The following MROH2B variants were observed in gnomAD, a reference collection of about 807,000 sequenced individuals.
MROH2B encodes the protein maestro heat like repeat family member 2B.
A neutral mutation model predicts 208.6 loss-of-function variants in MROH2B; 177 were observed. That is an observed-to-expected ratio of 0.85 (90% CI 0.75 to 0.96). The LOEUF is 0.96. Among genes scored for constraint, MROH2B ranks in the 40% least tolerant of loss-of-function variants. The pLI, the probability that MROH2B is intolerant of heterozygous loss-of-function variation, is 0.00. For missense variants in MROH2B, 2,002 were observed against 1,878.7 expected, an observed-to-expected ratio of 1.07 and a Z score of -1.21; for synonymous variants, 728 against 659.0, an observed-to-expected ratio of 1.10 and a Z score of -1.60.
chr5:41,004,136 G>A (rs1741490329), intron 37 of MROH2B, among the ~76,000 whole-genome samples: 1 of 152,150 alleles, frequency 6.6e-6, no homozygotes, highest in Non-Finnish European at 1.5e-5. Context: ...AACTAGCTTA[G>A]ATCAATCATG....
intron 24 of MROH2B, among the ~76,000 whole-genome samples, chr5:41,019,779 C>T (rs556933836): frequency 6.6e-6 from 1 of 152,146 alleles, no homozygotes; most frequent in Non-Finnish European, 1.5e-5. Flanking sequence ...GCTGGGAAAG[C>T]TCTATGTAGT....
rs1031969256 is a variant in MROH2B, at chr5:41,067,293, A to G, written c.91-75T>C. 3.7e-5 allele frequency: 28 copies of G among 759,542 alleles called. No homozygotes were observed. The African/African-American group carries it at 4.5e-4, about 12-fold the overall frequency. The allele number at this position is 759,542 out of a possible 1,614,324, so 47.1% of individuals were successfully genotyped here. The stretch of plus-strand genomic sequence containing the variant: ...GAATCAAATGAAATCCTAATGAATA[A>G]CACCATTAAAGTAAGCAATATATCT... On this transcript the variant is annotated intron_variant, in intron 2 of 41. Transcript: ENST00000399564.
intron 11 of MROH2B, among the ~76,000 whole-genome samples, chr5:41,053,598 C>T (rs908135355): frequency 2.6e-5 from 4 of 152,084 alleles, no homozygotes; most frequent in African/African-American, 9.7e-5. Context: ...TATATGGTGG[C>T]CAAAACAATT....
chr5:41,047,690 T>C lies in MROH2B; in HGVS notation c.1728+31A>G, dbSNP rs191098775. ...ACTTCAGCTGATTTCATCATGCCAT[T>C]ATTAAAAATTATTCTAGAAGCCAGC... On this transcript the variant is annotated intron_variant, in intron 17 of 41. Transcript: ENST00000399564. 478 of 1,571,490 alleles carry C rather than the reference T, an allele frequency of 3.0e-4. 2 individuals carry two copies. The African/African-American group carries it at 5.8e-3, about 19-fold the overall frequency.
rs1181329774 is a variant in MROH2B, at chr5:41,067,428, A to G, written c.91-210T>C. On this transcript the variant is annotated intron_variant, in intron 2 of 41. Transcript: ENST00000399564. Reference sequence around the variant, plus strand: ...TTTGGCCAGGCTGGAGTGCAATGGCATGATCTCAGCTCACTGCAACCTCTG... The same window carrying G: ...TTTGGCCAGGCTGGAGTGCAATGGCGTGATCTCAGCTCACTGCAACCTCTG... Among the ~76,000 whole-genome samples the G allele has an allele frequency of 2.6e-5, 4 of 151,872 alleles. No individual in the cohort carries two copies. In the South Asian group the frequency reaches 8.3e-4, roughly 32 times the overall value.
intron 7 of MROH2B, among the ~76,000 whole-genome samples, chr5:41,057,563 C>CTTTTTTTTTTTTTTT (rs776904759): frequency 0.14 from 10,289 of 72,890 alleles, 2,817 homozygotes; most frequent in East Asian, 0.38. Context: ...AATATCCCTC[C>CTTTTTTTTTTTTTTT]TTTTTTTTTT....
At chr5:41,004,958 G>T (rs1011118024) in intron 35 of MROH2B, 38 bp from the exon 36 acceptor site, 1 of 1,603,216 alleles carries the variant, frequency 6.2e-7, no homozygotes, top group Non-Finnish European at 8.5e-7. Context: ...TTAGTTAAGG[G>T]CGTGGCCCCT....
Position 41,051,008 on chromosome 5 carries a change from G to T in MROH2B, c.1313C>A (p.Thr438Asn). 1 of 1,569,502 alleles carries T rather than the reference G, an allele frequency of 6.4e-7. No homozygotes were observed. The highest frequency in any genetic ancestry group is 8.6e-7 in the Non-Finnish European group (1 of 1,162,888). ...VRETSLEVLK[T>N]LDPLVIGMPQ... is the part of the protein sequence containing the mutation. Reference sequence around the variant, plus strand: ...CATTCCAATGACCAGTGGGTCCAGGGTTTTTAAGACCTCAAGGCTTGTTTC... The same window carrying T: ...CATTCCAATGACCAGTGGGTCCAGGTTTTTTAAGACCTCAAGGCTTGTTTC... Residue 438 changes from threonine to asparagine, a missense_variant, in exon 13 of 42, where the codon ACC becomes AAC. Thr to Asn is a moderately conservative substitution (Grantham distance 65). Coordinates refer to ENST00000399564, the MANE Select transcript of MROH2B (RefSeq NM_173489.5).
chr5:41,019,343 T>TGTGAGA (rs1554047879), intron 24 of MROH2B, among the ~76,000 whole-genome samples: 3 of 144,104 alleles, frequency 2.1e-5, no homozygotes, highest in Non-Finnish European at 3.1e-5. Context: ...TGTGTGTGTG[T>TGTGAGA]GAGAGAGAGT....
intron 37 of MROH2B, 90 bp downstream of exon 37, chr5:41,004,256 G>T (rs377073551): frequency 3.5e-6 from 5 of 1,445,114 alleles, no homozygotes; most frequent in African/African-American, 1.4e-5. Flanking sequence ...ATATGGGTGG[G>T]ACACTGACAA....
chr5:41,005,578 A>C lies in MROH2B; in HGVS notation c.3817T>G (p.Ser1273Ala). The C allele has an allele frequency of 6.2e-7, 1 of 1,611,232 alleles. No individual in the cohort carries two copies. ...GTTATCCGGTAGTTCTCCGAGGAGGAGGTAAGAGATGAGAGCAGCTGTTCC... is the reference window on the plus strand; with the variant it reads ...GTTATCCGGTAGTTCTCCGAGGAGGCGGTAAGAGATGAGAGCAGCTGTTCC... ...IMEQLLSSLTSSSENYRITGA... is the reference protein window; with the variant it reads ...IMEQLLSSLTASSENYRITGA... The change falls in exon 35 of 42, where the codon TCC becomes GCC. Residue 1273 changes from serine (S) to alanine (A), a missense_variant. By Grantham distance (99) the Ser-to-Ala change is moderately conservative. Coordinates refer to ENST00000399564, the MANE Select transcript of MROH2B (RefSeq NM_173489.5).
chr5:41,051,157 G>T, intron 12 of MROH2B, 67 bp from the exon 13 acceptor site: 2 of 1,036,840 alleles, frequency 1.9e-6, no homozygotes, highest in Non-Finnish European at 1.3e-6. Context: ...GACTTTCCTT[G>T]GGTGTGTTCT....
intron 1 of MROH2B, among the ~76,000 whole-genome samples, chr5:41,070,443 C>T (rs1743952228): frequency 6.6e-6 from 1 of 152,108 alleles, no homozygotes; most frequent in Non-Finnish European, 1.5e-5. Context: ...ACCTCCACAC[C>T]AAACAACATA....
At chr5:41,036,468 A>T (rs1742763945) in intron 21 of MROH2B, among the ~76,000 whole-genome samples, 1 of 152,156 alleles carries the variant, frequency 6.6e-6, no homozygotes, top group Non-Finnish European at 1.5e-5. Context: ...AGTCTCAGGT[A>T]TGTCTTTATC....
intron 37 of MROH2B, among the ~76,000 whole-genome samples, chr5:41,002,096 T>A (rs995319814): frequency 2.6e-5 from 4 of 152,264 alleles, no homozygotes; most frequent in African/African-American, 9.6e-5. Context: ...ATACATTTTT[T>A]AAAAGATACC....
chr5:41,041,793 C>G (rs1422019703), intron 19 of MROH2B, among the ~76,000 whole-genome samples: 1 of 152,146 alleles, frequency 6.6e-6, no homozygotes, highest in Admixed American at 6.5e-5. Context: ...GTAATTTCAG[C>G]TTGTAAATTC....
Position 41,068,380 on chromosome 5 carries a change from T to G in MROH2B, c.91-1162A>C, listed in dbSNP as rs189749234. On this transcript the variant is annotated intron_variant, in intron 2 of 41. Coordinates refer to ENST00000399564, the MANE Select transcript of MROH2B (RefSeq NM_173489.5). ...TTGGCAAGGCTACCATTTATGGAGC[T>G]CTCACCACATTCCTGGAACTGTGCC... Among the ~76,000 whole-genome samples, 110 of 152,306 alleles carry G rather than the reference T, an allele frequency of 7.2e-4. 1 individual carries two copies. Among genetic ancestry groups the G allele is most frequent in the Admixed American group, 1.2e-3 (19 of 15,292 alleles).
intron 35 of MROH2B, chr5:41,005,240 A>T: frequency 1.9e-6 from 1 of 520,986 alleles, no homozygotes; most frequent in Non-Finnish European, 3.4e-6. Context: ...TCAGGCCGGA[A>T]TTTGAAGCGT....
chr5:41,052,409 G>A (rs543203910), intron 12 of MROH2B, 56 bp downstream of exon 12: 2 of 1,462,774 alleles, frequency 1.4e-6, no homozygotes, highest in Non-Finnish European at 1.8e-6. Flanking sequence ...AAGAAACATA[G>A]TTGAGCGAAC....
Sources: allele counts gnomAD v4.1 joint callset (sites outside exome capture counted in the v4.1 genomes callset), GRCh38; gene constraint gnomAD v4.1.1; transcripts MANE v1.5; gene names NCBI Gene and HGNC (gene_info 2026-07-23, HGNC 2026-07-21).